The following PDE6H variants were observed in gnomAD, a reference collection of about 807,000 sequenced individuals.
PDE6H encodes retinal cone rhodopsin-sensitive cGMP 3',5'-cyclic phosphodiesterase subunit gamma.
In PDE6H, 11 loss-of-function variants were observed where a neutral mutation model predicts 9.2. The ratio of observed to expected loss-of-function variants is 1.19; its 90% CI spans 0.75 to 1.97. The LOEUF (loss-of-function observed/expected upper bound fraction) is 1.97, where lower values mean the gene tolerates loss of function less well. Ranked by LOEUF, PDE6H falls within the 30% of genes most tolerant of loss-of-function variation. The pLI, the probability that PDE6H is intolerant of heterozygous loss-of-function variation, is 0.00. For missense variants in PDE6H, 98 were observed against 101.5 expected (o/e 0.97, Z 0.15); for synonymous variants, 36 against 33.6 (o/e 1.07, Z -0.25).
intron 1 of PDE6H, among the ~76,000 whole-genome samples, chr12:14,975,405 C>T (rs1864577205): frequency 6.6e-6 from 1 of 151,260 alleles, no homozygotes; most frequent in African/African-American, 2.4e-5. Context: ...AATTCTAACC[C>T]TAATAGATTC....
chr12:14,980,939 T>C (rs1235909107), intron 3 of PDE6H, among the ~76,000 whole-genome samples: 2 of 152,356 alleles, frequency 1.3e-5, no homozygotes, highest in East Asian at 3.9e-4. Flanking sequence ...ATATAGGCAA[T>C]TCAAAATGTA....
rs1464577672 is a variant in PDE6H at position 14,981,526 on chromosome 12, G to T, written c.*50G>T. On this transcript the variant is annotated 3_prime_UTR_variant, in exon 4 of 4. Coordinates refer to ENST00000266395, the MANE Select transcript of PDE6H (RefSeq NM_006205.3). ...AATGACATCTGCTGTAATTTTGGTTGCTTTTGCCCTGTTGATCTGCCGGAG... is the reference window on the plus strand; with the variant it reads ...AATGACATCTGCTGTAATTTTGGTTTCTTTTGCCCTGTTGATCTGCCGGAG... 9 of 1,309,528 alleles carry T rather than the reference G, an allele frequency of 6.9e-6. No homozygotes were observed. The highest frequency in any genetic ancestry group is 1.8e-4 in the Middle Eastern group (1 of 5,500). 81.1% of individuals were successfully genotyped at this position (1,309,528 alleles called of 1,614,324 possible). A position where few individuals can be genotyped will look rare whatever the true frequency, so the allele number is the denominator to read the frequency against.
At chr12:14,978,474 C>T (rs1864631074) in intron 2 of PDE6H, among the ~76,000 whole-genome samples, 1 of 152,242 alleles carries the variant, frequency 6.6e-6, no homozygotes, top group African/African-American at 2.4e-5. Flanking sequence ...GAACCACTGA[C>T]CATTTCCAGA....
rs368416640 is a variant in PDE6H at position 14,978,187 on chromosome 12, T to C, written c.134+41T>C. On this transcript the variant is annotated intron_variant, in intron 2 of 3. Transcript: ENST00000266395. ...AAAGAAAAACTTTCTATTACTTTCTTTTTCCCACAAGACTGCTTTTGTTTT... is the reference window on the plus strand; with the variant it reads ...AAAGAAAAACTTTCTATTACTTTCTCTTTCCCACAAGACTGCTTTTGTTTT... 1.9e-6 allele frequency: 3 copies of C among 1,591,440 alleles called. No individual in the cohort carries two copies. The African/African-American group carries it at 4.0e-5, about 21-fold the overall frequency.
intron 2 of PDE6H, among the ~76,000 whole-genome samples, 188 bp downstream of exon 2, chr12:14,978,334 A>G (rs1299220969): frequency 1.3e-5 from 2 of 152,046 alleles, no homozygotes; most frequent in Non-Finnish European, 2.9e-5. Context: ...TTCCTTCTCA[A>G]CTTCCAGGTC....
intron 1 of PDE6H, among the ~76,000 whole-genome samples, chr12:14,974,202 A>G (rs1004258416): frequency 2.0e-5 from 3 of 152,208 alleles, no homozygotes; most frequent in Admixed American, 6.5e-5. Context: ...CTGATAATAC[A>G]TTTAAGGTTA....
At chr12:14,978,197 A>G in intron 2 of PDE6H, 51 bp downstream of exon 2, 1 of 1,565,330 alleles carries the variant, frequency 6.4e-7, no homozygotes, top group Non-Finnish European at 8.8e-7. Flanking sequence ...TTTTCCCACA[A>G]GACTGCTTTT....
At chr12:14,980,615 T>C (rs1864667690) in intron 3 of PDE6H, among the ~76,000 whole-genome samples, 1 of 152,236 alleles carries the variant, frequency 6.6e-6, no homozygotes, top group Admixed American at 6.5e-5. Flanking sequence ...AAATTTTCTA[T>C]TCTTTTAGAT....
At chr12:14,976,519 T>C (rs1592304935) in intron 1 of PDE6H, among the ~76,000 whole-genome samples, 1 of 151,576 alleles carries the variant, frequency 6.6e-6, no homozygotes. Context: ...GTCAGGGAGG[T>C]TTGCAGTTAA....
chr12:14,974,986 G>A (rs552574447), intron 1 of PDE6H, among the ~76,000 whole-genome samples: 2 of 152,166 alleles, frequency 1.3e-5, no homozygotes, highest in African/African-American at 4.8e-5. Flanking sequence ...TAAAAGGAAG[G>A]TCTTGTTTGA....
intron 2 of PDE6H, among the ~76,000 whole-genome samples, chr12:14,978,869 C>G (rs1864637193): frequency 6.6e-6 from 1 of 152,094 alleles, no homozygotes; most frequent in Admixed American, 6.6e-5. Flanking sequence ...TTTTGTATTG[C>G]TTTCTCATTT....
At chr12:14,976,594 CG>C (rs1864599618) in intron 1 of PDE6H, among the ~76,000 whole-genome samples, 1 of 151,886 alleles carries the variant, frequency 6.6e-6, no homozygotes. Flanking sequence ...GAGGCTGAGG[CG>C]GGAGGGTCAC....
chr12:14,977,994 C>A lies in PDE6H; in HGVS notation c.-19C>A. 1 of 1,612,606 alleles carries A rather than the reference C, an allele frequency of 6.2e-7. No individual in the cohort carries two copies. The highest frequency in any genetic ancestry group is 8.5e-7 in the Non-Finnish European group (1 of 1,179,532). ...AAGGAGGCTGAAAGGGAAACATCAG[C>A]CGCCCGGGGGGAGTTAAAATGAGTG... On this transcript the variant is annotated 5_prime_UTR_variant, in exon 2 of 4. Coordinates refer to ENST00000266395, the MANE Select transcript of PDE6H (RefSeq NM_006205.3).
intron 1 of PDE6H, among the ~76,000 whole-genome samples, chr12:14,976,524 A>C (rs1236311061): frequency 6.6e-6 from 1 of 152,118 alleles, no homozygotes. Context: ...GGAGGTTTGC[A>C]GTTAACAGTA....
chr12:14,973,946 T>C (rs1184764215), intron 1 of PDE6H, among the ~76,000 whole-genome samples: 1 of 152,198 alleles, frequency 6.6e-6, no homozygotes, highest in African/African-American at 2.4e-5. Context: ...CAGAAGATGA[T>C]TTTTTGCTTT....
At chr12:14,975,812 GTTTTTTTTTTTTGT>G (rs575997175) in intron 1 of PDE6H, among the ~76,000 whole-genome samples, 63 of 120,144 alleles carry the variant, frequency 5.2e-4, no homozygotes, top group Middle Eastern at 4.2e-3. Flanking sequence ...AATTTCTTTT[GTTTTTTTTTTTTGT>G]TTTTTTTTTT....
At chr12:14,980,052 A>G (rs916035387) in intron 3 of PDE6H, among the ~76,000 whole-genome samples, 1 of 152,196 alleles carries the variant, frequency 6.6e-6, no homozygotes, top group African/African-American at 2.4e-5. Context: ...GATAAATACC[A>G]TGTACCCACC....
chr12:14,979,918 A>T (rs183204170), intron 3 of PDE6H, among the ~76,000 whole-genome samples: 1 of 152,146 alleles, frequency 6.6e-6, no homozygotes, highest in Non-Finnish European at 1.5e-5. Context: ...AGTTTCCTCT[A>T]TTATTAACAT....
chr12:14,974,383 A>G (rs1864561878), intron 1 of PDE6H, among the ~76,000 whole-genome samples: 1 of 152,194 alleles, frequency 6.6e-6, no homozygotes, highest in South Asian at 2.1e-4. Flanking sequence ...CTATGACAGA[A>G]ACTGCATAGG....
Sources: allele counts gnomAD v4.1 joint callset (sites outside exome capture counted in the v4.1 genomes callset), GRCh38; gene constraint gnomAD v4.1.1; transcripts MANE v1.5; gene names NCBI Gene and HGNC (gene_info 2026-07-23, HGNC 2026-07-21).